Variants in REV3L observed in about 807,000 individuals in gnomAD.
REV3L encodes the protein DNA polymerase zeta catalytic subunit.
A neutral mutation model predicts 299.4 loss-of-function variants in REV3L; 69 were observed. The ratio of observed to expected loss-of-function variants is 0.23; its 90% CI spans 0.19 to 0.28. The LOEUF (loss-of-function observed/expected upper bound fraction) is 0.28. Among genes scored for constraint, REV3L ranks in the 10% least tolerant of loss-of-function variants. The pLI is 1.00. For missense variants in REV3L, 3,128 were observed against 3,693.8 expected (o/e 0.85, Z 3.97); for synonymous variants, 1,238 against 1,271.4 (o/e 0.97, Z 0.56).
intron 3 of REV3L, among the ~76,000 whole-genome samples, chr6:111,408,846 A>G (rs9487627): frequency 0.67 from 102,226 of 151,866 alleles, 36,568 homozygotes; most frequent in Non-Finnish European, 0.81. Flanking sequence ...CACAAGCCCA[A>G]CTAATTTTTG....
At chr6:111,328,173 C>G (rs1214995728) in intron 25 of REV3L, among the ~76,000 whole-genome samples, 1 of 152,168 alleles carries the variant, frequency 6.6e-6, no homozygotes, top group Admixed American at 6.5e-5. Flanking sequence ...TCAACTGTCA[C>G]TATCATTGCA....
intron 19 of REV3L, among the ~76,000 whole-genome samples, chr6:111,350,367 G>A (rs1161187044): frequency 6.6e-6 from 1 of 151,842 alleles, no homozygotes; most frequent in Non-Finnish European, 1.5e-5. Flanking sequence ...ATACTCTGGT[G>A]ATTGTTTTAA....
chr6:111,422,613 C>CATATATATATAT, intron 1 of REV3L, among the ~76,000 whole-genome samples: 1 of 7,186 alleles, frequency 1.4e-4, no homozygotes, highest in East Asian at 1.8e-3. Context: ...TATATATATA[C>CATATATATATAT]ACATATATAT....
chr6:111,351,430 T>A (rs1411127483), intron 19 of REV3L, among the ~76,000 whole-genome samples: 1 of 152,130 alleles, frequency 6.6e-6, no homozygotes, highest in African/African-American at 2.4e-5. Flanking sequence ...ACTACATATG[T>A]ATATGAAAAG....
intron 4 of REV3L, among the ~76,000 whole-genome samples, chr6:111,396,464 T>C (rs1782522378): frequency 6.6e-6 from 1 of 152,098 alleles, no homozygotes; most frequent in South Asian, 2.1e-4. Context: ...TTTTTTGTTG[T>C]GTCCTGTCTG....
In REV3L at chr6:111,367,890, C is replaced by A; in HGVS notation, c.5898G>T (p.Gly1966=). ...CTCCTTGGCCACTGCGAAGGGGTGA[C>A]CCTGGCCTTGGATTCTGAGTCATTG... ...FSAMTQNPRP[G]SPLRSGQGVV... Residue 1966 remains glycine, a synonymous_variant, in exon 14 of 32, where the codon GGG becomes GGT. Transcript: ENST00000368802. 6.2e-7 allele frequency: 1 copy of A among 1,614,150 alleles called. No individual in the cohort carries two copies. The highest frequency in any genetic ancestry group is 8.5e-7 in the Non-Finnish European group (1 of 1,180,018).
At position 111,417,018 on chromosome 6, in the gene REV3L, A is replaced by T. The variant is rs561303912; in HGVS notation, c.140-546T>A. Reference sequence around the variant, plus strand: ...AAATTTTGCCATTAAAAGGAAAAAAAAAAAGACAAAACCAAATCAAAACAA... The same window carrying T: ...AAATTTTGCCATTAAAAGGAAAAAATAAAAGACAAAACCAAATCAAAACAA... On this transcript the variant is annotated intron_variant, in intron 1 of 31. Transcript: ENST00000368802. Among the ~76,000 whole-genome samples the T allele has an allele frequency of 1.5e-3, 235 of 152,188 alleles. 3 individuals carry two copies. Among genetic ancestry groups the T allele is most frequent in the African/African-American group, 5.1e-3 (213 of 41,504 alleles).
At chr6:111,407,018 G>A (rs939037482) in intron 3 of REV3L, among the ~76,000 whole-genome samples, 1 of 152,060 alleles carries the variant, frequency 6.6e-6, no homozygotes, top group Non-Finnish European at 1.5e-5. Flanking sequence ...TCTGAGGTGG[G>A]AGGACCACCT....
intron 13 of REV3L, among the ~76,000 whole-genome samples, chr6:111,368,276 GTTTTA>G (rs1292959524): frequency 4.6e-5 from 7 of 151,920 alleles, no homozygotes; most frequent in Middle Eastern, 3.2e-3. Flanking sequence ...GGTATTTTTT[GTTTTA>G]TTTTAATGCC....
chr6:111,365,325 C>A lies in REV3L; in HGVS notation c.6693G>T (p.Leu2231Phe), dbSNP rs1275329593. 1 of 1,572,350 alleles carries A rather than the reference C, an allele frequency of 6.4e-7. No homozygotes were observed. The highest frequency in any genetic ancestry group is 1.2e-5 in the South Asian group (1 of 83,404). Residue 2231 changes from leucine to phenylalanine, a missense_variant, in exon 15 of 32, where the codon TTG becomes TTT. Transcript: ENST00000368802. Reference sequence around the variant, plus strand: ...CAGTATTACTTCCTTTCTTATTACTCAACTTCTGTGTTTTTGGTTCTGTAG... The same window carrying A: ...CAGTATTACTTCCTTTCTTATTACTAAACTTCTGTGTTTTTGGTTCTGTAG... ...PLSTEPKTQK[L>F]SNKKGSNTDT...
intron 25 of REV3L, among the ~76,000 whole-genome samples, chr6:111,327,692 T>A (rs1305667050): frequency 6.6e-6 from 1 of 152,162 alleles, no homozygotes; most frequent in Non-Finnish European, 1.5e-5. Context: ...GTATTTTTTA[T>A]CTTACCTAAA....
At chr6:111,473,610 TTAA>T (rs760891910) in intron 1 of REV3L, among the ~76,000 whole-genome samples, 1 of 151,780 alleles carries the variant, frequency 6.6e-6, no homozygotes, top group African/African-American at 2.4e-5. Context: ...TTATAGAATA[TTAA>T]TAATATTATT....
intron 4 of REV3L, among the ~76,000 whole-genome samples, chr6:111,400,799 C>G (rs535154387): frequency 6.6e-6 from 1 of 152,104 alleles, no homozygotes; most frequent in Non-Finnish European, 1.5e-5. Context: ...AGACTGGGTA[C>G]ATTTTCCCTT....
intron 2 of REV3L, 75 bp downstream of exon 2, chr6:111,416,208 T>C: frequency 4.0e-6 from 4 of 995,778 alleles, no homozygotes; most frequent in Non-Finnish European, 5.6e-6. Flanking sequence ...ATAGAGTTTA[T>C]CAACTGAGTA....
At chr6:111,304,730 TCTG>T (rs1393374400) in intron 31 of REV3L, among the ~76,000 whole-genome samples, 4 of 151,922 alleles carry the variant, frequency 2.6e-5, no homozygotes, top group Non-Finnish European at 4.4e-5. Context: ...AAATGTAGTA[TCTG>T]ACAGGTGGTT....
intron 24 of REV3L, chr6:111,331,013 CATCA>C (rs1476916806): frequency 2.0e-6 from 2 of 985,060 alleles, no homozygotes; most frequent in African/African-American, 3.5e-5. Context: ...TCCACTCTAC[CATCA>C]ACCACTCTAC....
intron 31 of REV3L, among the ~76,000 whole-genome samples, chr6:111,303,888 T>G (rs112599569): frequency 2.3e-4 from 35 of 151,654 alleles, no homozygotes; most frequent in Non-Finnish European, 4.7e-4. Context: ...GCCTGGCTAA[T>G]TTTTGTATTT....
chr6:111,367,649 G>T lies in REV3L; in HGVS notation c.6139C>A (p.Pro2047Thr), dbSNP rs749772192. Residue 2047 changes from proline to threonine, a missense_variant, in exon 14 of 32, where the codon CCT (proline) becomes ACT (threonine). Pro to Thr is a conservative substitution (Grantham distance 38). Around this residue, in one of 9 missense-constraint regions of REV3L, gnomAD observed 2,409 missense variants for 2,611.8 expected, o/e 0.92. Coordinates refer to ENST00000368802, the MANE Select transcript of REV3L (RefSeq NM_001372078.1). ...FSSSVNPDDK[P>T]VVPPKMDVSP... ...ACATCCATTTTTGGAGGCACTACAGGTTTGTCATCTGGGTTAACTGAAGAG... is the reference window on the plus strand; with the variant it reads ...ACATCCATTTTTGGAGGCACTACAGTTTTGTCATCTGGGTTAACTGAAGAG... 1.1e-5 allele frequency: 18 copies of T among 1,614,048 alleles called. No homozygotes were observed. The highest frequency in any genetic ancestry group is 1.7e-6 in the Non-Finnish European group (2 of 1,180,034).
intron 1 of REV3L, among the ~76,000 whole-genome samples, chr6:111,464,265 G>A (rs79018405): frequency 0.024 from 3,598 of 152,230 alleles, 59 homozygotes; most frequent in Admixed American, 0.063. Context: ...GGTTGTATAC[G>A]ATCATTAGTT....
Sources: gnomAD v4.1 joint callset for allele counts (sites outside exome capture counted in the v4.1 genomes callset) on GRCh38, gnomAD v4.1.1 for gene constraint, gnomAD v4.1.1 regional missense constraint, MANE v1.5 for transcripts, NCBI Gene and HGNC (gene_info 2026-07-23, HGNC 2026-07-21) for gene names.